Variants in FEZ1 observed in about 807,000 individuals in gnomAD.
FEZ1 encodes fasciculation and elongation protein zeta-1.
A neutral mutation model predicts 49.3 loss-of-function variants in FEZ1; 20 were observed. The observed-to-expected ratio is 0.41, with a 90% CI of 0.29 to 0.59. The LOEUF (loss-of-function observed/expected upper bound fraction) is 0.59, where lower values mean the gene tolerates loss of function less well. Among genes scored for constraint, FEZ1 ranks in the 20% least tolerant of loss-of-function variants. FEZ1 has a pLI of 0.36. For synonymous variants in FEZ1, 170 were observed against 180.9 expected (o/e 0.94, Z 0.48); for missense variants, 413 against 476.0 (o/e 0.87, Z 1.23).
At chr11:125,491,145 G>C (rs950430486) in intron 1 of FEZ1, among the ~76,000 whole-genome samples, 3 of 152,270 alleles carry the variant, frequency 2.0e-5, no homozygotes, top group Admixed American at 6.5e-5. Context: ...GTAAGAAACA[G>C]ACCCAACTAC....
intron 7 of FEZ1, 85 bp downstream of exon 7, chr11:125,454,045 G>A (rs1299180908): frequency 5.0e-6 from 4 of 798,802 alleles, no homozygotes; most frequent in Non-Finnish European, 6.0e-6. Context: ...GATAATTCTG[G>A]TGAGTCACTG....
intron 2 of FEZ1, chr11:125,488,698 A>ACAAAG (rs1363469054): frequency 3.0e-6 from 3 of 984,518 alleles, no homozygotes; most frequent in Admixed American, 6.2e-5. Context: ...ACAAAACAAA[A>ACAAAG]CAAAACAAAA....
chr11:125,464,781 T>G (rs759420121), intron 3 of FEZ1, among the ~76,000 whole-genome samples: 15 of 152,182 alleles, frequency 9.9e-5, no homozygotes, highest in Non-Finnish European at 5.9e-5. Context: ...TCAACCTAGA[T>G]ATGGGGTAGG....
chr11:125,481,584 A>G lies in FEZ1; in HGVS notation c.361T>C (p.Trp121Arg). 1 of 1,613,596 alleles carries G rather than the reference A, an allele frequency of 6.2e-7. No individual in the cohort carries two copies. The highest frequency in any genetic ancestry group is 8.5e-7 in the Non-Finnish European group (1 of 1,179,650). ...AGAGCCTCGATGTTTGGATCCCTCC[A>G]GTCTTCTGAGAGTGAAGGGATGTAA... is the stretch of plus-strand genomic sequence containing the variant. ...DNYIPSLSED[W>R]RDPNIEALNG... Residue 121 changes from tryptophan (W) to arginine (R), a missense_variant, in exon 3 of 10, where the codon TGG becomes CGG. Transcript: ENST00000278919.
chr11:125,454,325 G>C, intron 6 of FEZ1, 115 bp from the exon 7 acceptor site: 1 of 677,556 alleles, frequency 1.5e-6, no homozygotes, highest in Non-Finnish European at 2.5e-6. Context: ...TCTGTGACTA[G>C]ACAGTAAGTG....
chr11:125,457,443 T>TATATGTATATATACAC (rs1565533485), intron 5 of FEZ1, among the ~76,000 whole-genome samples: 14 of 74,282 alleles, frequency 1.9e-4, no homozygotes, highest in African/African-American at 5.8e-4. Flanking sequence ...TATATATATA[T>TATATGTATATATACAC]ATATATATGT....
intron 5 of FEZ1, among the ~76,000 whole-genome samples, chr11:125,458,794 C>A (rs1403892521): frequency 6.6e-6 from 1 of 152,138 alleles, no homozygotes; most frequent in Non-Finnish European, 1.5e-5. Flanking sequence ...TCGGGCCGGG[C>A]GCAGTGGGTC....
chr11:125,456,602 G>A (rs1309871751), intron 5 of FEZ1, among the ~76,000 whole-genome samples: 2 of 152,106 alleles, frequency 1.3e-5, no homozygotes, highest in Non-Finnish European at 2.9e-5. Context: ...TACATCTCTG[G>A]TCCTGTGTCG....
chr11:125,469,957 C>T (rs967579658), intron 3 of FEZ1, among the ~76,000 whole-genome samples: 4 of 151,886 alleles, frequency 2.6e-5, no homozygotes, highest in African/African-American at 9.7e-5. Flanking sequence ...TCAAGGGATC[C>T]CCCTGCCTTG....
intron 1 of FEZ1, among the ~76,000 whole-genome samples, chr11:125,493,395 A>AAAGAAAGG: frequency 1.6e-5 from 1 of 63,406 alleles, no homozygotes; most frequent in Non-Finnish European, 2.9e-5. Context: ...AGAAAGAAAG[A>AAAGAAAGG]AAGAAAGAAA....
rs1381751600 is a variant in FEZ1, at chr11:125,443,575, A to G, written c.*2520T>C. On this transcript the variant is annotated 3_prime_UTR_variant, in exon 10 of 10. Transcript: ENST00000278919. ...TTAAAGGGAGACCTTGTTAAAATGC[A>G]AATTCTGACTTAGTAGGCCTGATGT... Among the ~76,000 whole-genome samples the G allele has an allele frequency of 6.6e-6, 1 of 152,214 alleles. No homozygotes were observed. The highest frequency in any genetic ancestry group is 2.4e-5 in the African/African-American group (1 of 41,446).
Position 125,481,622 on chromosome 11 carries a change from G to A in FEZ1, c.323C>T (p.Ala108Val). The change falls in exon 3 of 10, where the codon GCT becomes GTT. Residue 108 changes from alanine to valine, a missense_variant. Ala to Val is a moderately conservative substitution (Grantham distance 64). Transcript: ENST00000278919. ...ETLQDEEVWD[A>V]LTDNYIPSLS... ...TGAAGGGATGTAATTGTCTGTCAGA[G>A]CATCCCAAACCCTGTAAACAAAGAG... is the stretch of plus-strand genomic sequence containing the variant. The A allele has an allele frequency of 3.7e-6, 6 of 1,608,654 alleles. No homozygotes were observed. The highest frequency in any genetic ancestry group is 4.3e-6 in the Non-Finnish European group (5 of 1,175,252).
chr11:125,457,421 AAAAAAAAAATATATATAT>A (rs1957022352), intron 5 of FEZ1, among the ~76,000 whole-genome samples: 1 of 40,626 alleles, frequency 2.5e-5, no homozygotes, highest in African/African-American at 8.5e-5. Context: ...AAAAAAAAAA[AAAAAAAAAATATATATAT>A]ATATATATAT....
chr11:125,485,933 G>A (rs1591601314), intron 2 of FEZ1, among the ~76,000 whole-genome samples: 1 of 152,274 alleles, frequency 6.6e-6, no homozygotes, highest in East Asian at 1.9e-4. Context: ...GCAACAGAGT[G>A]AGACTCTGTC....
At chr11:125,450,558 T>C (rs1219352844) in intron 8 of FEZ1, among the ~76,000 whole-genome samples, 1 of 152,084 alleles carries the variant, frequency 6.6e-6, no homozygotes, top group African/African-American at 2.4e-5. Context: ...GTTCAAAGAG[T>C]AGAAGAGAGA....
chr11:125,495,813 CA>C lies in FEZ1; in HGVS notation c.-46+307del. 4.5e-6 allele frequency: 1 copy of C among 220,298 alleles called. No individual in the cohort carries two copies. The highest frequency in any genetic ancestry group is 3.8e-5 in the South Asian group (1 of 26,586). 13.6% of individuals were successfully genotyped at this position (220,298 alleles called of 1,614,324 possible). A position where few individuals can be genotyped will look rare whatever the true frequency, so the allele number is the denominator to read the frequency against. On this transcript the variant is annotated intron_variant, in intron 1 of 9. Coordinates refer to ENST00000278919, the MANE Select transcript of FEZ1 (RefSeq NM_005103.5). This position sits in a 1 kb window ranked among gnomAD's most constrained non-coding sequence, Gnocchi z 4.2. ...ACACACACGCGGACACACACACACACACACACACACACACACACACACCAGG... is the reference window on the plus strand; with the variant it reads ...ACACACACGCGGACACACACACACACCACACACACACACACACACACCAGG...
At chr11:125,470,097 T>A (rs1338134745) in intron 3 of FEZ1, among the ~76,000 whole-genome samples, 1 of 152,022 alleles carries the variant, frequency 6.6e-6, no homozygotes, top group Admixed American at 6.6e-5. Context: ...AAGATGAAAA[T>A]GTATAGAGAA....
intron 2 of FEZ1, among the ~76,000 whole-genome samples, chr11:125,485,171 C>A (rs1277730503): frequency 6.6e-6 from 1 of 152,162 alleles, no homozygotes; most frequent in Non-Finnish European, 1.5e-5. Flanking sequence ...ATTATGCTGC[C>A]ATGACACCTG....
In FEZ1 at chr11:125,443,719, G is replaced by C. The variant is rs566031941; in HGVS notation, c.*2376C>G. 2.4e-4 allele frequency among the ~76,000 whole-genome samples: 37 copies of C among 152,288 alleles called. No homozygotes were observed. The highest frequency in any genetic ancestry group is 8.7e-4 in the African/African-American group (36 of 41,566). ...GGGCAATGCAAAACCATGAGGAATTGATTTCATATTCCCCTTAAACTCCTG... is the reference window on the plus strand; with the variant it reads ...GGGCAATGCAAAACCATGAGGAATTCATTTCATATTCCCCTTAAACTCCTG... On this transcript the variant is annotated 3_prime_UTR_variant, in exon 10 of 10. Coordinates refer to ENST00000278919, the MANE Select transcript of FEZ1 (RefSeq NM_005103.5).
Sources: gnomAD v4.1 joint callset for allele counts (sites outside exome capture counted in the v4.1 genomes callset) on GRCh38, gnomAD v4.1.1 for gene constraint, Gnocchi (gnomAD v3.1) non-coding constraint, MANE v1.5 for transcripts, NCBI Gene and HGNC (gene_info 2026-07-23, HGNC 2026-07-21) for gene names.